The following DCAF15 variants were observed in gnomAD, a reference collection of about 807,000 sequenced individuals.
DCAF15 encodes the protein DDB1- and CUL4-associated factor 15.
In DCAF15, 24 loss-of-function variants were observed where a neutral mutation model predicts 68.0. The observed-to-expected ratio is 0.35, with a 90% CI of 0.26 to 0.50. The LOEUF is 0.50. Ranked by LOEUF, DCAF15 falls within the 20% of genes least tolerant of loss-of-function variation. The pLI is 0.98. For synonymous variants in DCAF15, 376 were observed against 341.6 expected, an observed-to-expected ratio of 1.10 and a Z score of -1.11; for missense variants, 627 against 830.6, an observed-to-expected ratio of 0.75 and a Z score of 3.01.
chr19:13,953,431 G>T (rs1390205864), intron 1 of DCAF15: 2 of 320,270 alleles, frequency 6.2e-6, no homozygotes, highest in Non-Finnish European at 1.2e-5. Context: ...TCCCTGGGCT[G>T]GGACAGTCTC....
chr19:13,957,953 A>G (rs968698290), intron 6 of DCAF15, among the ~76,000 whole-genome samples: 5 of 152,150 alleles, frequency 3.3e-5, no homozygotes, highest in Non-Finnish European at 7.4e-5. Context: ...CCTCATGGAA[A>G]TGGTTGTCCC....
intron 1 of DCAF15, chr19:13,952,925 C>G: frequency 1.2e-6 from 1 of 851,756 alleles, no homozygotes; most frequent in South Asian, 1.8e-5. Context: ...AGGGAGGCGA[C>G]CCCAGAGGCC....
Position 13,960,544 on chromosome 19 carries a change from T to C in DCAF15, c.1711T>C (p.Tyr571His). The change falls in exon 12 of 13, where the codon TAC becomes CAC. Residue 571 changes from tyrosine to histidine, a missense_variant. Tyr to His is a moderately conservative substitution (Grantham distance 83). Around this residue, in one of 3 missense-constraint regions of DCAF15, gnomAD observed 118 missense variants for 211.8 expected, o/e 0.56. Transcript: ENST00000254337. ...KWLVPESSGR[Y>H]VNRMTNEALH... Reference sequence around the variant, plus strand: ...GCTGGTGCCGGAGAGCAGCGGCCGCTACGTCAACAGGATGACCAATGAGGC... The same window carrying C: ...GCTGGTGCCGGAGAGCAGCGGCCGCCACGTCAACAGGATGACCAATGAGGC... The C allele has an allele frequency of 1.2e-6, 2 of 1,600,632 alleles. No individual in the cohort carries two copies. Among genetic ancestry groups the C allele is most frequent in the South Asian group, 2.2e-5 (2 of 89,402 alleles).
Position 13,959,248 on chromosome 19 carries a change from C to T in DCAF15, c.988C>T (p.Arg330Trp), listed in dbSNP as rs937322501. The T allele has an allele frequency of 8.7e-6, 14 of 1,612,594 alleles. No homozygotes were observed. The highest frequency in any genetic ancestry group is 3.3e-5 in the South Asian group (3 of 91,086). ...GGAGTTTGTGGCTGACATCTTCCGC[C>T]GGGCCAAAGAGGCCAAGGGCGGGGT... ...AKEFVADIFR[R>W]AKEAKGGVPE... The change falls in exon 7 of 13, where the codon CGG (arginine) becomes TGG (tryptophan). Residue 330 changes from arginine (R) to tryptophan (W), a missense_variant. Coordinates refer to ENST00000254337, the MANE Select transcript of DCAF15 (RefSeq NM_138353.4).
At chr19:13,957,973 C>T (rs771056409) in intron 6 of DCAF15, among the ~76,000 whole-genome samples, 3 of 152,074 alleles carry the variant, frequency 2.0e-5, no homozygotes, top group East Asian at 1.9e-4. Context: ...CTGGGGCGGT[C>T]GGGGAATGGG....
In DCAF15 at chr19:13,956,304, C is replaced by T. The variant is rs73924871; in HGVS notation, c.613+42C>T. ...GGCGAGGGCCTCTTCCCCCCTCCCC[C>T]CCTTGCTCCGGGCCGAGAGTGAGCT... On this transcript the variant is annotated intron_variant, in intron 5 of 12. Coordinates refer to ENST00000254337, the MANE Select transcript of DCAF15 (RefSeq NM_138353.4). 3.2e-3 allele frequency: 5,090 copies of T among 1,611,790 alleles called. 168 individuals carry two copies. In the African/African-American group the frequency reaches 0.06, roughly 19 times the overall value.
In DCAF15 at chr19:13,960,499, G is replaced by A. The variant is rs745944351; in HGVS notation, c.1666G>A (p.Val556Met). 23 of 1,611,308 alleles carry A rather than the reference G, an allele frequency of 1.4e-5. No individual in the cohort carries two copies. The highest frequency in any genetic ancestry group is 2.7e-5 in the African/African-American group (2 of 74,906). The change falls in exon 12 of 13, where the codon GTG (valine) becomes ATG (methionine). Residue 556 changes from valine (V) to methionine (M), a missense_variant. Physicochemically the swap from Val to Met is conservative, Grantham distance 21. Transcript: ENST00000254337. ...CTGGAGCTCCTACCGCAAGAGCTGC[G>A]TGGACATGGTCATGAAGTGGCTGGT... Reference protein sequence around the residue: ...SVWSSYRKSCVDMVMKWLVPE... With the variant: ...SVWSSYRKSCMDMVMKWLVPE...
chr19:13,952,678 G>A, intron 1 of DCAF15, 34 bp downstream of exon 1: 1 of 1,284,816 alleles, frequency 7.8e-7, no homozygotes, highest in Non-Finnish European at 9.8e-7. Context: ...GAGCGCGCCG[G>A]AGGGTGGGGA....
At chr19:13,955,167 T>A (rs1007705919) in intron 3 of DCAF15, among the ~76,000 whole-genome samples, 1 of 152,094 alleles carries the variant, frequency 6.6e-6, no homozygotes, top group African/African-American at 2.4e-5. Context: ...ACGCCTGTAA[T>A]CCCAGCACTT....
Position 13,954,328 on chromosome 19 carries a change from C to T in DCAF15, c.133-12C>T. ...GATGGTGCCTGAAGTGCCCTGGCCA[C>T]CCCTTCCCCAGATCAGCGGACAGCT... On this transcript the variant is annotated splice_polypyrimidine_tract_variant and intron_variant, in intron 1 of 12. Transcript: ENST00000254337. The T allele has an allele frequency of 6.2e-7, 1 of 1,611,800 alleles. No individual in the cohort carries two copies. The highest frequency in any genetic ancestry group is 2.2e-5 in the East Asian group (1 of 44,878).
chr19:13,961,011 G>A lies in DCAF15; in HGVS notation c.*16G>A, dbSNP rs372179929. On this transcript the variant is annotated 3_prime_UTR_variant, in exon 13 of 13. Coordinates refer to ENST00000254337, the MANE Select transcript of DCAF15 (RefSeq NM_138353.4). ...CGTGCTGTGAGGGCCAGGCCGCCCC[G>A]GACACTGACTCCAACTACCTCCGTG... The A allele has an allele frequency of 1.4e-5, 22 of 1,613,288 alleles. No homozygotes were observed. The highest frequency in any genetic ancestry group is 5.3e-5 in the African/African-American group (4 of 74,936).
chr19:13,955,589 C>T (rs894106437), intron 3 of DCAF15, among the ~76,000 whole-genome samples: 1 of 152,182 alleles, frequency 6.6e-6, no homozygotes, highest in Non-Finnish European at 1.5e-5. Flanking sequence ...GGAACCCCCC[C>T]AGGAGGTGTG....
In DCAF15 at chr19:13,961,067, C is replaced by T. The variant is rs1278026974; in HGVS notation, c.*72C>T. 6.3e-6 allele frequency: 10 copies of T among 1,586,406 alleles called. No individual in the cohort carries two copies. The highest frequency in any genetic ancestry group is 3.4e-5 in the Admixed American group (2 of 59,638). On this transcript the variant is annotated 3_prime_UTR_variant, in exon 13 of 13. Coordinates refer to ENST00000254337, the MANE Select transcript of DCAF15 (RefSeq NM_138353.4). ...GGACCGGCCCCCTTCCTGGGGTGGC[C>T]TCTTCCTGGCCGGCTGGCCCACCGA...
intron 3 of DCAF15, among the ~76,000 whole-genome samples, chr19:13,955,321 G>A (rs1973311689): frequency 6.6e-6 from 1 of 152,194 alleles, no homozygotes; most frequent in Non-Finnish European, 1.5e-5. Flanking sequence ...TCCGGAGGCT[G>A]AGGCAGGAGA....
At chr19:13,953,161 AG>A in intron 1 of DCAF15, 3 of 1,536,376 alleles carry the variant, frequency 2.0e-6, no homozygotes, top group Non-Finnish European at 2.6e-6. Context: ...CTCCCTGGAT[AG>A]GGCTGAGTCT....
rs111625844 is a variant in DCAF15 at position 13,956,045 on chromosome 19, T to C, written c.473+27T>C. 4.7e-3 allele frequency: 7,535 copies of C among 1,612,402 alleles called. 143 individuals are homozygous for C. The African/African-American group carries it at 0.053, about 11-fold the overall frequency. ...TGAGACCAGGCGCCTGGGGGAGCCT[T>C]GGCTGGTTGGGGCAGGGGGTGTGCA... On this transcript the variant is annotated intron_variant, in intron 4 of 12. Transcript: ENST00000254337.
At chr19:13,955,768 C>T in intron 3 of DCAF15, 144 bp from the exon 4 acceptor site, 2 of 762,380 alleles carry the variant, frequency 2.6e-6, no homozygotes, top group Non-Finnish European at 4.4e-6. Flanking sequence ...CGGCTGTCCT[C>T]AGGCAAGGTG....
Position 13,956,533 on chromosome 19 carries a change from C to A in DCAF15, c.784+11C>A. The A allele has an allele frequency of 1.2e-6, 2 of 1,611,676 alleles. No individual in the cohort carries two copies. The highest frequency in any genetic ancestry group is 1.7e-6 in the Non-Finnish European group (2 of 1,179,318). On this transcript the variant is annotated intron_variant, in intron 6 of 12. Coordinates refer to ENST00000254337, the MANE Select transcript of DCAF15 (RefSeq NM_138353.4). ...CCGTCCACTCGGCAGGTAGGCCCTG[C>A]GGTCTCGTGGCCACCCGGCAACGCG...
At chr19:13,956,303 C>A (rs202044006) in intron 5 of DCAF15, 41 bp downstream of exon 5, 6 of 1,611,660 alleles carry the variant, frequency 3.7e-6, no homozygotes, top group Non-Finnish European at 5.1e-6. Context: ...CCCCCCTCCC[C>A]CCCTTGCTCC....
Sources: gnomAD v4.1 joint callset for allele counts (sites outside exome capture counted in the v4.1 genomes callset) on GRCh38, gnomAD v4.1.1 for gene constraint, gnomAD v4.1.1 regional missense constraint, MANE v1.5 for transcripts, NCBI Gene and HGNC (gene_info 2026-07-23, HGNC 2026-07-21) for gene names.